ABCA1: variants seen among roughly 807,000 people sequenced by gnomAD.
ABCA1 encodes ATP binding cassette subfamily A member 1, also known as phospholipid-transporting ATPase ABCA1.
Under a neutral mutation model 262.5 loss-of-function variants are expected in ABCA1, and 133 were observed. The observed-to-expected ratio is 0.51, with a 90% CI of 0.44 to 0.59. The LOEUF (loss-of-function observed/expected upper bound fraction) is 0.59. ABCA1 is among the 20% of genes least tolerant of loss of function. ABCA1 has a pLI of 0.00. For missense variants in ABCA1, 2,452 were observed against 2,777.5 expected (o/e 0.88, Z 2.63); for synonymous variants, 1,022 against 1,043.5 (o/e 0.98, Z 0.40).
intron 5 of ABCA1, among the ~76,000 whole-genome samples, chr9:104,868,051 C>T (rs1195706804): frequency 6.6e-6 from 1 of 152,106 alleles, no homozygotes; most frequent in African/African-American, 2.4e-5. Flanking sequence ...GCTATACTTT[C>T]CCCCCTATTT....
chr9:104,837,599 T>A, intron 9 of ABCA1, 32 bp from the exon 10 acceptor site: 1 of 1,612,320 alleles, frequency 6.2e-7, no homozygotes, highest in South Asian at 1.1e-5. Context: ...AATGCTCATA[T>A]GCATGGTCAT....
At chr9:104,858,450 C>A (rs960245345) in intron 7 of ABCA1, 72 bp downstream of exon 7, 2 of 1,485,436 alleles carry the variant, frequency 1.3e-6, no homozygotes, top group African/African-American at 2.8e-5. Context: ...CAAAGTCATG[C>A]TGTCCAAGGA....
chr9:104,866,734 CG>C (rs1837127894), intron 5 of ABCA1, among the ~76,000 whole-genome samples: 1 of 152,164 alleles, frequency 6.6e-6, no homozygotes, highest in African/African-American at 2.4e-5. Flanking sequence ...GTGATCCACT[CG>C]CCTTGGCCTC....
chr9:104,912,946 C>T (rs972465638), intron 1 of ABCA1, among the ~76,000 whole-genome samples: 2 of 152,178 alleles, frequency 1.3e-5, no homozygotes, highest in Non-Finnish European at 2.9e-5. Context: ...CCTCTATCAG[C>T]AACCCTTTAT....
intron 44 of ABCA1, among the ~76,000 whole-genome samples, chr9:104,789,352 G>A (rs868431524): frequency 6.6e-6 from 1 of 152,206 alleles, no homozygotes; most frequent in Middle Eastern, 3.2e-3. Context: ...GGTACTAGGA[G>A]CAAGCCTAGG....
chr9:104,818,538 G>T lies in ABCA1; in HGVS notation c.3462+125C>A, dbSNP rs1831984794. ...TTAAGTATGATATGATTTCAAAGGG[G>T]CAACAGAGCAGGGAGATGGTGGTTT... On this transcript the variant is annotated intron_variant, in intron 23 of 49. Coordinates refer to ENST00000374736, the MANE Select transcript of ABCA1 (RefSeq NM_005502.4). 12 of 900,922 alleles carry T rather than the reference G, an allele frequency of 1.3e-5. No homozygotes were observed. In the South Asian group the frequency reaches 1.6e-4, roughly 12 times the overall value. 55.8% of individuals were successfully genotyped at this position (900,922 alleles called of 1,614,324 possible).
intron 1 of ABCA1, among the ~76,000 whole-genome samples, chr9:104,907,859 C>T (rs535057688): frequency 1.1e-3 from 160 of 152,352 alleles, no homozygotes; most frequent in Non-Finnish European, 2.0e-3. Context: ...ATCAGTCACC[C>T]AAGTGGATCA....
In ABCA1 at chr9:104,818,867, G is replaced by A. The variant is rs375639361; in HGVS notation, c.3258C>T (p.Leu1086=). 3 of 1,613,454 alleles carry A rather than the reference G, an allele frequency of 1.9e-6. No individual in the cohort carries two copies. Among genetic ancestry groups the A allele is most frequent in the Admixed American group, 3.3e-5 (2 of 59,978 alleles). Reference sequence around the variant, plus strand: ...CCGCTTCATCCATGTGGTGTGTAGAGAGAATAATGGTGCGGCCTGCCAGGC... The same window carrying A: ...CCGCTTCATCCATGTGGTGTGTAGAAAGAATAATGGTGCGGCCTGCCAGGC... The part of the protein sequence containing the change: ...LKYRQGRTII[L]STHHMDEADV... Residue 1086 remains leucine (L), a synonymous_variant, in exon 23 of 50, where the codon CTC becomes CTT. Coordinates refer to ENST00000374736, the MANE Select transcript of ABCA1 (RefSeq NM_005502.4).
At chr9:104,800,185 G>A (rs557618713) in intron 35 of ABCA1, among the ~76,000 whole-genome samples, 197 bp from the exon 36 acceptor site, 3 of 152,310 alleles carry the variant, frequency 2.0e-5, no homozygotes, top group South Asian at 2.1e-4. Context: ...GTGGGCAGGC[G>A]CTGTGGTGAG....
chr9:104,804,658 C>T lies in ABCA1; in HGVS notation c.4527G>A (p.Leu1509=), dbSNP rs766473066. 7.4e-6 allele frequency: 12 copies of T among 1,614,062 alleles called. No homozygotes were observed. Among genetic ancestry groups the T allele is most frequent in the Non-Finnish European group, 9.3e-6 (11 of 1,180,034 alleles). Residue 1509 remains leucine, a synonymous_variant, in exon 32 of 50, where the codon CTG becomes CTA. Transcript: ENST00000374736. ...CTATGATCTGCACATACGTCTTCAC[C>T]AGATAATCCGAAATGTTTCTTCCTG... The part of the protein sequence containing the change: ...DLTGRNISDY[L]VKTYVQIIAK...
At position 104,782,696 on chromosome 9, in the gene ABCA1, T is replaced by C. The variant is rs1415398799; in HGVS notation, c.*1619A>G. On this transcript the variant is annotated 3_prime_UTR_variant, in exon 50 of 50. Transcript: ENST00000374736. ...CTGTCAGATTTAATGGGGTATCCAATATCTGCAAAGCCAATTATTTGAAGG... is the reference window on the plus strand; with the variant it reads ...CTGTCAGATTTAATGGGGTATCCAACATCTGCAAAGCCAATTATTTGAAGG... 1.3e-5 allele frequency: 2 copies of C among 152,226 alleles called. No homozygotes were observed. The highest frequency in any genetic ancestry group is 3.8e-4 in the East Asian group (2 of 5,202). The allele number at this position is 152,226 out of a possible 1,614,324, so 9.4% of individuals were successfully genotyped here. A position where few individuals can be genotyped will look rare whatever the true frequency, so the allele number is the denominator to read the frequency against.
At chr9:104,793,857 C>T (rs1393965682) in intron 40 of ABCA1, among the ~76,000 whole-genome samples, 1 of 152,066 alleles carries the variant, frequency 6.6e-6, no homozygotes, top group African/African-American at 2.4e-5. Flanking sequence ...GCCCATTTGA[C>T]TATATTATCT....
chr9:104,856,256 A>G (rs1210469072), intron 7 of ABCA1, among the ~76,000 whole-genome samples: 1 of 152,200 alleles, frequency 6.6e-6, no homozygotes, highest in African/African-American at 2.4e-5. Context: ...CCTTCCTCAG[A>G]AATCATCTTT....
chr9:104,817,077 A>T lies in ABCA1; in HGVS notation c.3535+255T>A. The stretch of plus-strand genomic sequence containing the variant: ...TATTCAGTGTCCACTCCCCTAAGGG[A>T]TTCCCCAAACCCCAATCATCTCAGC... On this transcript the variant is annotated intron_variant, in intron 24 of 49. Transcript: ENST00000374736. The surrounding 1 kb of genome is among the most constrained non-coding windows in gnomAD (Gnocchi z 4.7). 1 of 428,234 alleles carries T rather than the reference A, an allele frequency of 2.3e-6. No individual in the cohort carries two copies. Among genetic ancestry groups the T allele is most frequent in the Non-Finnish European group, 3.1e-6 (1 of 320,674 alleles). 26.5% of individuals were successfully genotyped at this position (428,234 alleles called of 1,614,324 possible).
chr9:104,832,897 G>T, intron 11 of ABCA1, 126 bp from the exon 12 acceptor site: 1 of 850,430 alleles, frequency 1.2e-6, no homozygotes, highest in Non-Finnish European at 2.0e-6. Flanking sequence ...TGAGGTAAAT[G>T]ACAGTGTCCC....
Position 104,791,673 on chromosome 9 carries a change from C to A in ABCA1, c.5820+263G>T, listed in dbSNP as rs1178702499. Among the ~76,000 whole-genome samples the A allele has an allele frequency of 4.6e-5, 7 of 152,322 alleles. No homozygotes were observed. In the East Asian group the frequency reaches 1.2e-3, roughly 25 times the overall value. On this transcript the variant is annotated intron_variant, in intron 43 of 49. Coordinates refer to ENST00000374736, the MANE Select transcript of ABCA1 (RefSeq NM_005502.4). Reference sequence around the variant, plus strand: ...ATCTCCTGACCTCGTGATCCGCCCACCTCGGCCTCCCAAAGTGCTGGGATT... The same window carrying A: ...ATCTCCTGACCTCGTGATCCGCCCAACTCGGCCTCCCAAAGTGCTGGGATT...
chr9:104,830,832 C>T, intron 14 of ABCA1, 93 bp downstream of exon 14: 1 of 1,416,126 alleles, frequency 7.1e-7, no homozygotes, highest in Non-Finnish European at 1.0e-6. Context: ...ATTTCCAGAT[C>T]ATTCACACAT....
chr9:104,805,267 G>C (rs1588247081), intron 31 of ABCA1, among the ~76,000 whole-genome samples: 4 of 152,200 alleles, frequency 2.6e-5, no homozygotes, highest in Admixed American at 2.6e-4. Flanking sequence ...TAGAGACAGG[G>C]TTTCGCCACA....
At chr9:104,841,819 T>C (rs1834403255) in intron 8 of ABCA1, among the ~76,000 whole-genome samples, 1 of 152,256 alleles carries the variant, frequency 6.6e-6, no homozygotes, top group South Asian at 2.1e-4. Context: ...GCGTTCTGTC[T>C]TACATGCAAA....
Sources: allele counts gnomAD v4.1 joint callset (sites outside exome capture counted in the v4.1 genomes callset), GRCh38; gene constraint gnomAD v4.1.1; non-coding constraint Gnocchi (gnomAD v3.1); transcripts MANE v1.5; gene names NCBI Gene and HGNC (gene_info 2026-07-23, HGNC 2026-07-21).